The following LRP1B variants were observed in gnomAD, a reference collection of about 807,000 sequenced individuals.
The protein encoded by LRP1B is LDL receptor related protein 1B.
LRP1B carries 217 observed loss-of-function variants against 556.6 expected under a neutral mutation model. The ratio of observed to expected loss-of-function variants is 0.39; its 90% CI spans 0.35 to 0.44. The LOEUF is 0.44. Among genes scored for constraint, LRP1B ranks in the 20% least tolerant of loss-of-function variants. The pLI is 1.00. For synonymous variants in LRP1B, 2,047 were observed against 1,865.8 expected (o/e 1.10, Z -2.50); for missense variants, 5,053 against 5,620.8 (o/e 0.90, Z 3.23).
intron 27 of LRP1B, among the ~76,000 whole-genome samples, chr2:140,852,505 T>C (rs940520512): frequency 2.0e-5 from 3 of 152,248 alleles, no homozygotes; most frequent in Admixed American, 2.0e-4. Context: ...CTTCTTGCCT[T>C]GGCACACCAC....
intron 7 of LRP1B, among the ~76,000 whole-genome samples, chr2:141,072,842 T>G (rs1310945975): frequency 6.6e-6 from 1 of 152,076 alleles, no homozygotes; most frequent in Non-Finnish European, 1.5e-5. Flanking sequence ...AGCTAAAATA[T>G]CTATTTCTAG....
intron 66 of LRP1B, among the ~76,000 whole-genome samples, chr2:140,413,748 G>A (rs1685062116): frequency 6.6e-6 from 1 of 152,126 alleles, no homozygotes; most frequent in Non-Finnish European, 1.5e-5. Context: ...ACTTCAGCAG[G>A]AGATGTTGGC....
At chr2:140,812,826 G>A (rs766452480) in intron 32 of LRP1B, among the ~76,000 whole-genome samples, 31 of 151,820 alleles carry the variant, frequency 2.0e-4, no homozygotes, top group African/African-American at 6.8e-4. Context: ...TCCTGTAACC[G>A]CAAATGCAAT....
At chr2:140,995,622 C>T (rs1193658793) in intron 15 of LRP1B, among the ~76,000 whole-genome samples, 1 of 151,914 alleles carries the variant, frequency 6.6e-6, no homozygotes, top group East Asian at 1.9e-4. Context: ...AATAAGTACA[C>T]TGAGAATTAA....
chr2:141,993,232 G>A (rs1445921041), intron 1 of LRP1B, among the ~76,000 whole-genome samples: 3 of 152,088 alleles, frequency 2.0e-5, no homozygotes, highest in Non-Finnish European at 4.4e-5. Context: ...AGGACCACAA[G>A]CCAGTATCTG....
At chr2:141,720,303 G>A (rs1692766179) in intron 2 of LRP1B, among the ~76,000 whole-genome samples, 1 of 152,088 alleles carries the variant, frequency 6.6e-6, no homozygotes, top group South Asian at 2.1e-4. Flanking sequence ...TAAATACATG[G>A]ATGTAAGTGG....
At chr2:140,517,941 C>A (rs10208453) in intron 49 of LRP1B, among the ~76,000 whole-genome samples, 1 of 151,960 alleles carries the variant, frequency 6.6e-6, no homozygotes, top group South Asian at 2.1e-4. Flanking sequence ...GAACTTCTGA[C>A]GTCATGATCC....
intron 3 of LRP1B, among the ~76,000 whole-genome samples, chr2:141,368,539 A>T (rs947703251): frequency 1.3e-5 from 2 of 152,220 alleles, no homozygotes; most frequent in African/African-American, 4.8e-5. Flanking sequence ...TGCATTGTAT[A>T]ATATAGTATT....
intron 82 of LRP1B, among the ~76,000 whole-genome samples, chr2:140,316,363 T>G (rs1285313061): frequency 6.6e-6 from 1 of 152,168 alleles, no homozygotes; most frequent in Non-Finnish European, 1.5e-5. Flanking sequence ...CAAGAGCATC[T>G]TTAAGCACCT....
At chr2:140,291,321 T>TTTTTTA (rs1553440694) in intron 84 of LRP1B, among the ~76,000 whole-genome samples, 2 of 132,014 alleles carry the variant, frequency 1.5e-5, no homozygotes, top group Non-Finnish European at 3.4e-5. Flanking sequence ...TATATATATT[T>TTTTTTA]TTATTATACT....
chr2:140,953,942 A>T (rs1236967870), intron 18 of LRP1B, among the ~76,000 whole-genome samples: 1 of 152,170 alleles, frequency 6.6e-6, no homozygotes, highest in Non-Finnish European at 1.5e-5. Flanking sequence ...CCATCCATGA[A>T]TGTACCTAAA....
chr2:140,768,517 T>C (rs1377327173), intron 35 of LRP1B, among the ~76,000 whole-genome samples: 2 of 151,994 alleles, frequency 1.3e-5, no homozygotes, highest in Non-Finnish European at 2.9e-5. Flanking sequence ...AATGTTAATG[T>C]GAATACCAAA....
chr2:140,518,695 A>G (rs1295180969), intron 49 of LRP1B, among the ~76,000 whole-genome samples: 2 of 152,130 alleles, frequency 1.3e-5, no homozygotes, highest in African/African-American at 4.8e-5. Context: ...CTTTGTAACA[A>G]CTGTGAATGG....
At chr2:141,573,691 A>G (rs1686622205) in intron 2 of LRP1B, among the ~76,000 whole-genome samples, 2 of 152,040 alleles carry the variant, frequency 1.3e-5, no homozygotes, top group Non-Finnish European at 2.9e-5. Context: ...AATCAAAAAA[A>G]TAGACCACTA....
chr2:140,464,465 T>G (rs973527125), intron 60 of LRP1B, among the ~76,000 whole-genome samples: 12 of 152,186 alleles, frequency 7.9e-5, no homozygotes, highest in African/African-American at 2.9e-4. Context: ...ATTTCAATAT[T>G]CACCATCCAA....
At chr2:140,801,291 A>G (rs905858934) in intron 32 of LRP1B, among the ~76,000 whole-genome samples, 1 of 152,240 alleles carries the variant, frequency 6.6e-6, no homozygotes, top group Non-Finnish European at 1.5e-5. Flanking sequence ...CACTGGGGTA[A>G]GCAGACATAG....
chr2:141,901,764 A>G (rs991928720), intron 1 of LRP1B, among the ~76,000 whole-genome samples: 2 of 151,970 alleles, frequency 1.3e-5, no homozygotes, highest in African/African-American at 4.8e-5. Context: ...TGCAGCAAGA[A>G]GAAATGGAAG....
intron 18 of LRP1B, among the ~76,000 whole-genome samples, chr2:140,955,641 T>C (rs1695851116): frequency 6.6e-6 from 1 of 151,822 alleles, no homozygotes; most frequent in African/African-American, 2.4e-5. Flanking sequence ...TTATTACAGG[T>C]AGTATGCTCA....
chr2:141,037,459 C>CTG (rs1056252721), intron 11 of LRP1B, among the ~76,000 whole-genome samples: 7 of 152,046 alleles, frequency 4.6e-5, no homozygotes, highest in Non-Finnish European at 7.4e-5. Flanking sequence ...GAACTTAGCT[C>CTG]TCTTCAGTTG....
Sources: allele counts gnomAD v4.1 joint callset (sites outside exome capture counted in the v4.1 genomes callset), GRCh38; gene constraint gnomAD v4.1.1; transcripts MANE v1.5; gene names NCBI Gene and HGNC (gene_info 2026-07-23, HGNC 2026-07-21).